Variants in COL12A1 observed in about 807,000 individuals in gnomAD.
COL12A1 encodes the protein collagen alpha-1(XII) chain.
COL12A1 carries 114 observed loss-of-function variants against 349.7 expected under a neutral mutation model. That is an observed-to-expected ratio of 0.33 (90% CI 0.28 to 0.38). The LOEUF is 0.38. Ranked by LOEUF, COL12A1 falls within the 10% of genes least tolerant of loss-of-function variation. The probability of loss-of-function intolerance (pLI) is 1.00; values close to 1 mark genes in which losing one functional copy is unlikely to be tolerated. For missense variants in COL12A1, 3,284 were observed against 3,756.9 expected (o/e 0.87, Z 3.29); for synonymous variants, 1,369 against 1,329.0 (o/e 1.03, Z -0.66).
At chr6:75,121,218 GA>G (rs1765712062) in intron 44 of COL12A1, 83 bp downstream of exon 44, 3 of 1,298,136 alleles carry the variant, frequency 2.3e-6, no homozygotes, top group Non-Finnish European at 3.1e-6. Context: ...AGTTTATATT[GA>G]AAAGACTTTT....
At chr6:75,167,442 G>A (rs529136171) in intron 13 of COL12A1, among the ~76,000 whole-genome samples, 2 of 152,210 alleles carry the variant, frequency 1.3e-5, no homozygotes, top group East Asian at 1.9e-4. Flanking sequence ...CATTAACGAC[G>A]TTTCAAAAAA....
In COL12A1 at chr6:75,175,031, T is replaced by G. The variant is rs969629618; in HGVS notation, c.2710+7A>C. The G allele has an allele frequency of 6.2e-7, 1 of 1,613,162 alleles. No homozygotes were observed. The highest frequency in any genetic ancestry group is 2.2e-5 in the East Asian group (1 of 44,880). ...CCTGGATTTTCAGAAAATATGATGG[T>G]AATTACCTTCAAGTGTTGTTCCTTC... On this transcript the variant is annotated splice_region_variant and intron_variant, in intron 13 of 65. Coordinates refer to ENST00000322507, the MANE Select transcript of COL12A1 (RefSeq NM_004370.6).
At chr6:75,146,759 C>A (rs1767213311) in intron 23 of COL12A1, among the ~76,000 whole-genome samples, 1 of 152,092 alleles carries the variant, frequency 6.6e-6, no homozygotes, top group African/African-American at 2.4e-5. Context: ...CCCTATAACA[C>A]CCATATTGCT....
At chr6:75,156,897 AT>A (rs1475039995) in intron 14 of COL12A1, among the ~76,000 whole-genome samples, 3 of 152,224 alleles carry the variant, frequency 2.0e-5, no homozygotes, top group African/African-American at 7.2e-5. Flanking sequence ...ACTAAAAATT[AT>A]GAATGCAGGG....
intron 46 of COL12A1, 158 bp from the exon 47 acceptor site, chr6:75,117,704 C>T (rs1009118417): frequency 1.6e-6 from 1 of 623,358 alleles, no homozygotes; most frequent in African/African-American, 1.8e-5. Context: ...TAAATACATA[C>T]TTTTTCCAGG....
intron 23 of COL12A1, 48 bp from the exon 24 acceptor site, chr6:75,146,292 C>G: frequency 2.0e-6 from 3 of 1,518,674 alleles, no homozygotes; most frequent in Non-Finnish European, 2.6e-6. Context: ...TTTCATTCCA[C>G]TCATTTTTAA....
In COL12A1 at chr6:75,120,220, G is replaced by C. The variant is rs150585259; in HGVS notation, c.7087-747C>G. ...AGTTGAATTAATGTGGTTAAATTAA[G>C]AATATAACCACATTAAATTAAGAAT... On this transcript the variant is annotated intron_variant, in intron 44 of 65. Coordinates refer to ENST00000322507, the MANE Select transcript of COL12A1 (RefSeq NM_004370.6). Among the ~76,000 whole-genome samples the C allele has an allele frequency of 3.6e-3, 542 of 152,148 alleles. 2 individuals are homozygous for C. Among genetic ancestry groups the C allele is most frequent in the African/African-American group, 0.011 (446 of 41,510 alleles).
rs191044484 is a variant in COL12A1, at chr6:75,180,202, C to T, written c.2164+737G>A. 2.1e-3 allele frequency among the ~76,000 whole-genome samples: 320 copies of T among 152,302 alleles called. 7 individuals are homozygous for T. The highest frequency in any genetic ancestry group is 1.7e-3 in the East Asian group (9 of 5,190). ...AGTAGAGAGAGCATTCTGACACACGCTACGACATGGATCAACCTTGAGGAC... is the reference window on the plus strand; with the variant it reads ...AGTAGAGAGAGCATTCTGACACACGTTACGACATGGATCAACCTTGAGGAC... On this transcript the variant is annotated intron_variant, in intron 11 of 65. Transcript: ENST00000322507.
intron 31 of COL12A1, among the ~76,000 whole-genome samples, chr6:75,137,094 G>A (rs1766646980): frequency 6.6e-6 from 1 of 152,156 alleles, no homozygotes; most frequent in Admixed American, 6.5e-5. Flanking sequence ...AAGTTAGAGA[G>A]AGGAATGGAA....
At chr6:75,136,849 A>T (rs1766633260) in intron 31 of COL12A1, among the ~76,000 whole-genome samples, 1 of 152,168 alleles carries the variant, frequency 6.6e-6, no homozygotes, top group African/African-American at 2.4e-5. Context: ...TTAAATAGGG[A>T]AAGACTAGGA....
At chr6:75,128,749 A>G (rs1766148836) in intron 37 of COL12A1, among the ~76,000 whole-genome samples, 1 of 152,180 alleles carries the variant, frequency 6.6e-6, no homozygotes, top group South Asian at 2.1e-4. Flanking sequence ...AGCACTCAGT[A>G]GTAAGTTTGT....
chr6:75,115,579 G>A (rs1217498630), intron 49 of COL12A1, among the ~76,000 whole-genome samples: 1 of 152,094 alleles, frequency 6.6e-6, no homozygotes, highest in African/African-American at 2.4e-5. Context: ...TGGCAATAAC[G>A]AGGCCTGAGT....
chr6:75,182,418 G>A (rs751908425), intron 10 of COL12A1, among the ~76,000 whole-genome samples: 2 of 151,580 alleles, frequency 1.3e-5, no homozygotes, highest in Admixed American at 6.6e-5. Flanking sequence ...GTGTCCATGT[G>A]TTCTCATTAT....
chr6:75,158,856 C>G (rs1216496787), intron 14 of COL12A1, among the ~76,000 whole-genome samples: 1 of 151,762 alleles, frequency 6.6e-6, no homozygotes, highest in Non-Finnish European at 1.5e-5. Flanking sequence ...TTTTAATGAA[C>G]AGAGCATCAG....
At position 75,151,247 on chromosome 6, in the gene COL12A1, T is replaced by A. The variant is rs563211131; in HGVS notation, c.4041A>T (p.Ala1347=). ...NADEVELKMI[A]TDPDDTHAYN... ...ATGCATGGGTATCATCAGGATCAGT[T>A]GCAATCATCTTTAATTCGACTTCAT... Residue 1347 remains alanine (A), a synonymous_variant, in exon 21 of 66, where the codon GCA becomes GCT. Coordinates refer to ENST00000322507, the MANE Select transcript of COL12A1 (RefSeq NM_004370.6). 1.2e-6 allele frequency: 2 copies of A among 1,613,404 alleles called. No homozygotes were observed. Among genetic ancestry groups the A allele is most frequent in the East Asian group, 4.5e-5 (2 of 44,874 alleles).
In COL12A1 at chr6:75,183,482, C is replaced by T; in HGVS notation, c.1459G>A (p.Asp487Asn). ...VQISLVQYSR[D>N]PHTEFTLKKF... The stretch of plus-strand genomic sequence containing the variant: ...TTCAAAGTGAACTCAGTATGAGGAT[C>T]CCGGCTGTATTGCACAAGACTAATC... The change falls in exon 10 of 66, where the codon GAT becomes AAT. Residue 487 changes from aspartate (D) to asparagine (N), a missense_variant. This residue lies in a region of COL12A1 where 2,601 missense variants were observed against 2,824.8 expected (regional missense o/e 0.92). Coordinates refer to ENST00000322507, the MANE Select transcript of COL12A1 (RefSeq NM_004370.6). The T allele has an allele frequency of 6.2e-7, 1 of 1,614,162 alleles. No individual in the cohort carries two copies. Among genetic ancestry groups the T allele is most frequent in the Non-Finnish European group, 8.5e-7 (1 of 1,180,024 alleles).
intron 51 of COL12A1, among the ~76,000 whole-genome samples, chr6:75,111,389 C>CA (rs1028858324): frequency 2.0e-5 from 3 of 151,322 alleles, no homozygotes; most frequent in African/African-American, 4.8e-5. Context: ...AAGAGAATGT[C>CA]AAAAAAAATT....
At chr6:75,186,236 T>C (rs1403519586) in intron 8 of COL12A1, among the ~76,000 whole-genome samples, 1 of 152,116 alleles carries the variant, frequency 6.6e-6, no homozygotes, top group Non-Finnish European at 1.5e-5. Context: ...AGGTCTAATA[T>C]CCAGCATCTA....
intron 11 of COL12A1, among the ~76,000 whole-genome samples, chr6:75,179,873 A>C (rs942961943): frequency 6.6e-6 from 1 of 152,262 alleles, no homozygotes; most frequent in Non-Finnish European, 1.5e-5. Flanking sequence ...ATTCAATTCT[A>C]TCCAGTAAGG....
Sources: allele counts gnomAD v4.1 joint callset (sites outside exome capture counted in the v4.1 genomes callset), GRCh38; gene constraint gnomAD v4.1.1; regional missense constraint gnomAD v4.1.1; transcripts MANE v1.5; gene names NCBI Gene and HGNC (gene_info 2026-07-23, HGNC 2026-07-21).